The following RBM47 variants were observed in gnomAD, a reference collection of about 807,000 sequenced individuals.
RBM47 encodes RNA-binding protein 47.
In RBM47, 21 loss-of-function variants were observed where a neutral mutation model predicts 47.1. The ratio of observed to expected loss-of-function variants is 0.45; its 90% CI spans 0.32 to 0.64. RBM47 has a LOEUF of 0.64. Among genes scored for constraint, RBM47 ranks in the 30% least tolerant of loss-of-function variants. The pLI, the probability that RBM47 is intolerant of heterozygous loss-of-function variation, is 0.05. For synonymous variants in RBM47, 375 were observed against 361.7 expected, an observed-to-expected ratio of 1.04 and a Z score of -0.42; for missense variants, 708 against 870.9, an observed-to-expected ratio of 0.81 and a Z score of 2.35.
chr4:40,522,480 G>A (rs1726291153), intron 2 of RBM47, among the ~76,000 whole-genome samples: 1 of 152,110 alleles, frequency 6.6e-6, no homozygotes, highest in Non-Finnish European at 1.5e-5. Flanking sequence ...ATTCCAGCCT[G>A]GGCAACAGAG....
intron 1 of RBM47, among the ~76,000 whole-genome samples, chr4:40,589,171 T>C (rs1044669527): frequency 4.0e-5 from 6 of 151,572 alleles, no homozygotes; most frequent in Non-Finnish European, 1.5e-5. Flanking sequence ...TTTCACCATG[T>C]TGGCCAGGCT....
At chr4:40,449,740 G>A (rs753929899) in intron 3 of RBM47, among the ~76,000 whole-genome samples, 10 of 152,086 alleles carry the variant, frequency 6.6e-5, no homozygotes, top group Admixed American at 1.3e-4. Flanking sequence ...GTGCAGTGGC[G>A]CCATCTCAGC....
intron 1 of RBM47, among the ~76,000 whole-genome samples, chr4:40,580,566 T>C (rs1380796148): frequency 6.6e-6 from 1 of 152,174 alleles, no homozygotes; most frequent in Non-Finnish European, 1.5e-5. Context: ...GTTACCATCA[T>C]TCCCCAACCC....
chr4:40,588,431 C>G (rs1343903491), intron 1 of RBM47, among the ~76,000 whole-genome samples: 1 of 152,168 alleles, frequency 6.6e-6, no homozygotes, highest in Non-Finnish European at 1.5e-5. Context: ...TCAAACTGAA[C>G]CTTTCCTCAA....
At chr4:40,505,890 A>AAAAAC (rs140844726) in intron 2 of RBM47, among the ~76,000 whole-genome samples, 6 of 149,842 alleles carry the variant, frequency 4.0e-5, no homozygotes, top group Non-Finnish European at 8.9e-5. Context: ...CTGTCTCAAA[A>AAAAAC]AAAACAAAAC....
At chr4:40,519,505 C>T (rs1577870162) in intron 2 of RBM47, among the ~76,000 whole-genome samples, 1 of 151,858 alleles carries the variant, frequency 6.6e-6, no homozygotes, top group South Asian at 2.1e-4. Flanking sequence ...GCATGTTGGT[C>T]AGGCTGGTCT....
rs1553890650 is a variant in RBM47, at chr4:40,498,054, T to TATA, written c.-154-31356_-154-31355insTAT. On this transcript the variant is annotated intron_variant, in intron 2 of 6. Transcript: ENST00000295971. Reference sequence around the variant, plus strand: ...TGCAAATAAAATGTAAGTGCTTGTTTTATATATATATATATATATATATAT... The same window carrying TATA: ...TGCAAATAAAATGTAAGTGCTTGTTTATATATATATATATATATATATATATAT... Among the ~76,000 whole-genome samples the TATA allele has an allele frequency of 6.3e-3, 689 of 109,838 alleles. 19 individuals are homozygous for TATA. The highest frequency in any genetic ancestry group is 0.019 in the African/African-American group (588 of 31,660). 72.1% of individuals were successfully genotyped at this position (109,838 alleles called of 152,430 possible).
chr4:40,537,144 C>T (rs555494818), intron 2 of RBM47, among the ~76,000 whole-genome samples: 31 of 152,324 alleles, frequency 2.0e-4, no homozygotes, highest in African/African-American at 7.2e-4. Context: ...CAGGGTCTCA[C>T]TCTGTTGCCC....
chr4:40,489,705 G>A (rs1721591662), intron 2 of RBM47, among the ~76,000 whole-genome samples: 1 of 152,112 alleles, frequency 6.6e-6, no homozygotes. Context: ...AAAAGCCCAA[G>A]AACAGATGAC....
At chr4:40,587,005 A>G (rs1733653233) in intron 1 of RBM47, among the ~76,000 whole-genome samples, 1 of 152,110 alleles carries the variant, frequency 6.6e-6, no homozygotes, top group Admixed American at 6.5e-5. Context: ...AGTAATATCC[A>G]CATTACTAAA....
At chr4:40,520,330 GT>G (rs1265902755) in intron 2 of RBM47, among the ~76,000 whole-genome samples, 1 of 152,140 alleles carries the variant, frequency 6.6e-6, no homozygotes, top group East Asian at 1.9e-4. Context: ...TCTAAGTGGA[GT>G]TTTTTCTCTA....
intron 2 of RBM47, among the ~76,000 whole-genome samples, chr4:40,512,465 C>G (rs1316732692): frequency 7.1e-6 from 1 of 140,186 alleles, no homozygotes; most frequent in Non-Finnish European, 1.5e-5. Context: ...CCTGTAATCC[C>G]AGCACTTTGG....
At chr4:40,497,211 C>A (rs900504855) in intron 2 of RBM47, among the ~76,000 whole-genome samples, 1 of 152,144 alleles carries the variant, frequency 6.6e-6, no homozygotes, top group Non-Finnish European at 1.5e-5. Flanking sequence ...TCCCTCACTT[C>A]GGTGTGTCTT....
chr4:40,427,439 C>T (rs897177783), intron 6 of RBM47: 7 of 152,212 alleles, frequency 4.6e-5, no homozygotes, highest in African/African-American at 1.7e-4. Context: ...GAAAGTGCAA[C>T]ATAAGATGTT....
intron 1 of RBM47, among the ~76,000 whole-genome samples, chr4:40,570,657 C>T (rs1731617274): frequency 1.3e-5 from 2 of 151,816 alleles, no homozygotes; most frequent in Non-Finnish European, 1.5e-5. Flanking sequence ...AGTTGGAGAA[C>T]ACAGCATAGA....
intron 1 of RBM47, among the ~76,000 whole-genome samples, chr4:40,617,656 G>T (rs1327266103): frequency 1.3e-5 from 2 of 150,672 alleles, no homozygotes; most frequent in Non-Finnish European, 3.0e-5. Context: ...ATATATACAT[G>T]TACTTTATAT....
At chr4:40,529,160 G>A (rs1727096200) in intron 2 of RBM47, among the ~76,000 whole-genome samples, 1 of 152,038 alleles carries the variant, frequency 6.6e-6, no homozygotes, top group Admixed American at 6.6e-5. Flanking sequence ...GATGTTCCTT[G>A]ACTTACAATG....
At chr4:40,618,016 T>C (rs544219073) in intron 1 of RBM47, among the ~76,000 whole-genome samples, 1 of 152,072 alleles carries the variant, frequency 6.6e-6, no homozygotes, top group African/African-American at 2.4e-5. Flanking sequence ...TGAGGCAAGC[T>C]GATTGCTTGA....
At chr4:40,526,551 CTTTTTGT>C (rs1022065852) in intron 2 of RBM47, among the ~76,000 whole-genome samples, 9 of 151,886 alleles carry the variant, frequency 5.9e-5, no homozygotes, top group African/African-American at 1.2e-4. Flanking sequence ...TTATTTGTTT[CTTTTTGT>C]TTTTTGTTTT....
Sources: gnomAD v4.1 joint callset for allele counts (sites outside exome capture counted in the v4.1 genomes callset) on GRCh38, gnomAD v4.1.1 for gene constraint, MANE v1.5 for transcripts, NCBI Gene and HGNC (gene_info 2026-07-23, HGNC 2026-07-21) for gene names.